Variants in TMTC2 observed in about 807,000 individuals in gnomAD.
TMTC2 encodes the protein protein O-mannosyl-transferase TMTC2.
A neutral mutation model predicts 82.4 loss-of-function variants in TMTC2; 43 were observed. The ratio of observed to expected loss-of-function variants is 0.52; its 90% CI spans 0.41 to 0.67. TMTC2 has a LOEUF of 0.67. Among genes scored for constraint, TMTC2 ranks in the 30% least tolerant of loss-of-function variants. The pLI, the probability that TMTC2 is intolerant of heterozygous loss-of-function variation, is 0.00. For synonymous variants in TMTC2, 408 were observed against 381.9 expected (o/e 1.07, Z -0.80); for missense variants, 919 against 1,012.4 (o/e 0.91, Z 1.25).
chr12:82,931,772 ATCCTTACTCT>A (rs1295494171), intron 4 of TMTC2, among the ~76,000 whole-genome samples: 4 of 152,150 alleles, frequency 2.6e-5, no homozygotes, highest in African/African-American at 4.8e-5. Context: ...CATAGATAGC[ATCCTTACTCT>A]TCTCAATTTC....
chr12:82,687,620 C>T lies in TMTC2; in HGVS notation c.34C>T (p.Leu12Phe), dbSNP rs1417427132. 5 of 1,603,646 alleles carry T rather than the reference C, an allele frequency of 3.1e-6. No homozygotes were observed. The highest frequency in any genetic ancestry group is 3.5e-5 in the Admixed American group (2 of 57,850). The part of the protein sequence containing the change: ...IAELVSSALG[L>F]ALYLNTLSAD... ...AGAGTTGGTGAGCAGCGCTCTGGGG[C>T]TCGCCTTGTATCTCAACACCCTGAG... The change falls in exon 1 of 12, where the codon CTC becomes TTC. Residue 12 changes from leucine (L) to phenylalanine (F), a missense_variant. Physicochemically the swap from Leu to Phe is conservative, Grantham distance 22 (BLOSUM62 0). Transcript: ENST00000321196.
chr12:83,052,835 ATTTAT>A (rs1277887648), intron 10 of TMTC2, among the ~76,000 whole-genome samples: 1 of 152,044 alleles, frequency 6.6e-6, no homozygotes, highest in Non-Finnish European at 1.5e-5. Flanking sequence ...AATCTTTAGG[ATTTAT>A]TTTCAGAACC....
At chr12:82,855,690 C>A (rs1375636677) in intron 1 of TMTC2, among the ~76,000 whole-genome samples, 3 of 152,162 alleles carry the variant, frequency 2.0e-5, no homozygotes, top group African/African-American at 7.2e-5. Context: ...CCAGGATGTT[C>A]CAAACTGAAT....
intron 9 of TMTC2, among the ~76,000 whole-genome samples, chr12:83,037,742 A>T (rs942983335): frequency 6.6e-6 from 1 of 152,110 alleles, no homozygotes; most frequent in African/African-American, 2.4e-5. Flanking sequence ...AGGCTTTTAT[A>T]ATTGAAACTT....
intron 8 of TMTC2, among the ~76,000 whole-genome samples, chr12:82,991,027 C>T (rs1355839326): frequency 1.3e-5 from 2 of 152,082 alleles, no homozygotes; most frequent in Non-Finnish European, 2.9e-5. Flanking sequence ...CTCTTCAGTG[C>T]CTGTGCTTGA....
intron 1 of TMTC2, among the ~76,000 whole-genome samples, chr12:82,731,747 C>A (rs919815360): frequency 3.9e-5 from 6 of 152,172 alleles, no homozygotes; most frequent in African/African-American, 1.2e-4. Context: ...GCTGTGTAAT[C>A]AGCAACTAGT....
At chr12:82,735,196 A>G (rs1214220040) in intron 1 of TMTC2, among the ~76,000 whole-genome samples, 1 of 152,196 alleles carries the variant, frequency 6.6e-6, no homozygotes, top group Non-Finnish European at 1.5e-5. Flanking sequence ...TATAAAGTTA[A>G]TTTAGAAATC....
At chr12:82,706,293 G>T (rs1873349451) in intron 1 of TMTC2, among the ~76,000 whole-genome samples, 1 of 140,164 alleles carries the variant, frequency 7.1e-6, no homozygotes, top group South Asian at 2.3e-4. Context: ...CTCCAGCCTG[G>T]ACAACAGACA....
intron 1 of TMTC2, among the ~76,000 whole-genome samples, chr12:82,838,227 A>G (rs1334920502): frequency 1.3e-5 from 2 of 152,174 alleles, no homozygotes; most frequent in East Asian, 1.9e-4. Flanking sequence ...GTGTCATGTC[A>G]TCAACACCCT....
intron 11 of TMTC2, among the ~76,000 whole-genome samples, chr12:83,067,991 C>T (rs1237310662): frequency 1.3e-5 from 2 of 151,948 alleles, no homozygotes; most frequent in African/African-American, 2.4e-5. Flanking sequence ...TATTTCAGAA[C>T]ATTATTATAA....
chr12:82,859,477 A>G (rs1354584647), intron 2 of TMTC2, among the ~76,000 whole-genome samples: 1 of 152,222 alleles, frequency 6.6e-6, no homozygotes, highest in Non-Finnish European at 1.5e-5. Context: ...TGAGAAATTT[A>G]CAGTCCTCTA....
intron 1 of TMTC2, among the ~76,000 whole-genome samples, chr12:82,736,241 G>C (rs1360253358): frequency 6.6e-6 from 1 of 151,818 alleles, no homozygotes; most frequent in Admixed American, 6.6e-5. Context: ...TAACATCCTA[G>C]CATTCTTCTC....
intron 9 of TMTC2, among the ~76,000 whole-genome samples, chr12:83,033,742 C>T (rs997717585): frequency 6.6e-6 from 1 of 151,138 alleles, no homozygotes; most frequent in African/African-American, 2.4e-5. Context: ...GAGAGCAAGA[C>T]TCTTGTCTCA....
chr12:82,834,271 A>G (rs1453511034), intron 1 of TMTC2, among the ~76,000 whole-genome samples: 1 of 152,198 alleles, frequency 6.6e-6, no homozygotes, highest in African/African-American at 2.4e-5. Flanking sequence ...GAAACACTGG[A>G]TTGTGATTAT....
At chr12:82,831,854 A>G (rs964265182) in intron 1 of TMTC2, among the ~76,000 whole-genome samples, 1 of 152,210 alleles carries the variant, frequency 6.6e-6, no homozygotes, top group Non-Finnish European at 1.5e-5. Context: ...CAAAGACTAC[A>G]GAAAAATCAC....
At chr12:83,023,370 G>C (rs10862556) in intron 8 of TMTC2, among the ~76,000 whole-genome samples, 90,203 of 152,168 alleles carry the variant, frequency 0.59, 27,281 homozygotes, top group South Asian at 0.73. Flanking sequence ...TCCCAGGCTG[G>C]AAAGGCAGCT....
chr12:82,765,425 A>G (rs1876897794), intron 1 of TMTC2, among the ~76,000 whole-genome samples: 1 of 152,166 alleles, frequency 6.6e-6, no homozygotes, highest in Admixed American at 6.5e-5. Context: ...CTGTAATCCC[A>G]GTACTTTGGG....
At chr12:82,760,326 A>C (rs1592499042) in intron 1 of TMTC2, 1 of 152,106 alleles carries the variant, frequency 6.6e-6, no homozygotes, top group African/African-American at 2.4e-5. Flanking sequence ...CTTTCTGTTT[A>C]TACTCAGTGT....
chr12:82,974,634 G>A (rs1878590854), intron 7 of TMTC2, among the ~76,000 whole-genome samples: 1 of 152,174 alleles, frequency 6.6e-6, no homozygotes, highest in African/African-American at 2.4e-5. Flanking sequence ...TAACAAGACA[G>A]GTTAACTTGA....
Sources: allele counts gnomAD v4.1 joint callset (sites outside exome capture counted in the v4.1 genomes callset), GRCh38; gene constraint gnomAD v4.1.1; transcripts MANE v1.5; gene names NCBI Gene and HGNC (gene_info 2026-07-23, HGNC 2026-07-21).